The following COL5A2 variants were observed in gnomAD, a reference collection of about 807,000 sequenced individuals.
COL5A2 encodes the protein collagen type V alpha 2 chain.
COL5A2 carries 23 observed loss-of-function variants against 208.2 expected under a neutral mutation model. That is an observed-to-expected ratio of 0.11 (90% CI 0.08 to 0.16). COL5A2 has a LOEUF of 0.16. Among genes scored for constraint, COL5A2 ranks in the 10% least tolerant of loss-of-function variants. COL5A2 has a pLI of 1.00. For synonymous variants in COL5A2, 625 were observed against 628.5 expected, an observed-to-expected ratio of 0.99 and a Z score of 0.08; for missense variants, 1,590 against 1,956.4, an observed-to-expected ratio of 0.81 and a Z score of 3.53.
chr2:189,231,473 T>C, the COL5A2 span, among the ~76,000 whole-genome samples: 1 of 151,742 alleles, frequency 6.6e-6, no homozygotes, highest in African/African-American at 2.4e-5. Flanking sequence ...CCGGTGCCTT[T>C]GATCCTTTCT....
intron 35 of COL5A2, among the ~76,000 whole-genome samples, chr2:189,054,641 T>C (rs913299090): frequency 2.6e-5 from 4 of 151,844 alleles, no homozygotes; most frequent in Non-Finnish European, 5.9e-5. Context: ...ATATCACTTT[T>C]TTACTTTTAA....
chr2:189,228,285 A>C (rs2105885410), upstream of COL5A2, among the ~76,000 whole-genome samples: 1 of 152,018 alleles, frequency 6.6e-6, no homozygotes, highest in African/African-American at 2.4e-5. Context: ...AAGTTAGCAG[A>C]GGGAAAGAAA....
intron 1 of COL5A2, among the ~76,000 whole-genome samples, chr2:189,143,568 G>T (rs550582828): frequency 2.0e-5 from 3 of 151,960 alleles, no homozygotes; most frequent in Non-Finnish European, 4.4e-5. Context: ...GTATTAATTC[G>T]ACAACTAGGT....
At chr2:189,036,908 A>G in intron 51 of COL5A2, 105 bp from the exon 52 acceptor site, 1 of 941,970 alleles carries the variant, frequency 1.1e-6, no homozygotes, top group Admixed American at 2.1e-5. Context: ...CTCACTGATT[A>G]AGGATTCTTT....
intron 41 of COL5A2, 46 bp downstream of exon 41, chr2:189,052,126 T>C (rs751598234): frequency 1.4e-6 from 2 of 1,479,940 alleles, no homozygotes; most frequent in Non-Finnish European, 1.9e-6. Flanking sequence ...TACGTGTGTG[T>C]GTAATTATTT....
chr2:189,124,909 C>T (rs1031796835), intron 1 of COL5A2, among the ~76,000 whole-genome samples: 3 of 151,928 alleles, frequency 2.0e-5, no homozygotes, highest in African/African-American at 7.3e-5. Context: ...TGTAATTGCT[C>T]ACTTTGTTTT....
chr2:189,177,070 A>T (rs775382765), intron 1 of COL5A2, among the ~76,000 whole-genome samples: 2 of 152,224 alleles, frequency 1.3e-5, no homozygotes, highest in Non-Finnish European at 2.9e-5. Flanking sequence ...ACAGTCAAGT[A>T]AAGGGAAATA....
chr2:189,328,673 A>T, the COL5A2 span, among the ~76,000 whole-genome samples: 1 of 152,246 alleles, frequency 6.6e-6, no homozygotes, highest in Non-Finnish European at 1.5e-5. Flanking sequence ...CATGCATAAG[A>T]ACAGGATTTT....
chr2:189,239,534 C>T, the COL5A2 span, among the ~76,000 whole-genome samples: 24 of 148,486 alleles, frequency 1.6e-4, no homozygotes, highest in East Asian at 2.6e-3. Context: ...AAACCAAACA[C>T]CGCATATTCT....
At chr2:189,411,298 T>A in the COL5A2 span, among the ~76,000 whole-genome samples, 1 of 152,224 alleles carries the variant, frequency 6.6e-6, no homozygotes, top group African/African-American at 2.4e-5. Context: ...TGATTTGATG[T>A]CTATGTGCTT....
At chr2:189,366,728 C>T in the COL5A2 span, among the ~76,000 whole-genome samples, 1 of 152,204 alleles carries the variant, frequency 6.6e-6, no homozygotes, top group Non-Finnish European at 1.5e-5. Context: ...TTATGGCAAG[C>T]TGACTGAAGA....
In COL5A2 at chr2:189,068,370, A is replaced by G. The variant is rs1426918640; in HGVS notation, c.1258-100T>C. 4 of 1,073,298 alleles carry G rather than the reference A, an allele frequency of 3.7e-6. No individual in the cohort carries two copies. In the South Asian group the frequency reaches 5.1e-5, roughly 14 times the overall value. The allele number at this position is 1,073,298 out of a possible 1,614,324, so 66.5% of individuals were successfully genotyped here. On this transcript the variant is annotated intron_variant, in intron 19 of 53. Transcript: ENST00000374866. The stretch of plus-strand genomic sequence containing the variant: ...CCAGCCATCTTCAAAAAGGAAGTAG[A>G]AGCATTTTTTAAAAATCAACCACCA...
At chr2:189,103,074 A>G (rs568362113) in intron 3 of COL5A2, among the ~76,000 whole-genome samples, 94 of 152,134 alleles carry the variant, frequency 6.2e-4, no homozygotes, top group African/African-American at 2.2e-3. Flanking sequence ...ACTCATTGTT[A>G]GGATTTTTTG....
chr2:189,159,886 T>A (rs966203857), intron 1 of COL5A2, among the ~76,000 whole-genome samples: 12 of 151,396 alleles, frequency 7.9e-5, no homozygotes, highest in South Asian at 2.1e-4. Flanking sequence ...TCTCAAAAAA[T>A]AATAATAATA....
upstream of COL5A2, among the ~76,000 whole-genome samples, chr2:189,180,395 T>C (rs1033280802): frequency 4.6e-5 from 7 of 152,192 alleles, no homozygotes; most frequent in African/African-American, 7.2e-5. Context: ...TCCTAATTTC[T>C]CCACATCTCT....
intron 1 of COL5A2, among the ~76,000 whole-genome samples, chr2:189,140,493 C>T (rs1576551632): frequency 6.6e-6 from 1 of 152,162 alleles, no homozygotes; most frequent in East Asian, 1.9e-4. Flanking sequence ...AAAGAGACAC[C>T]ACTGTGCTTC....
At chr2:189,318,510 A>T in the COL5A2 span, among the ~76,000 whole-genome samples, 1 of 152,182 alleles carries the variant, frequency 6.6e-6, no homozygotes, top group East Asian at 1.9e-4. Flanking sequence ...AGCTTATAAG[A>T]TAGTAGTCCC....
chr2:189,092,510 G>C (rs1348631706), intron 6 of COL5A2, 90 bp from the exon 7 acceptor site: 3 of 801,364 alleles, frequency 3.7e-6, no homozygotes. Context: ...TGGCAAGGGA[G>C]TGTTTATTAT....
chr2:189,344,821 A>T, the COL5A2 span, among the ~76,000 whole-genome samples: 1 of 152,126 alleles, frequency 6.6e-6, no homozygotes, highest in African/African-American at 2.4e-5. Context: ...ACCAAGACTC[A>T]CCTCCAGCCA....
Sources: gnomAD v4.1 joint callset for allele counts (sites outside exome capture counted in the v4.1 genomes callset) on GRCh38, gnomAD v4.1.1 for gene constraint, MANE v1.5 for transcripts, NCBI Gene and HGNC (gene_info 2026-07-23, HGNC 2026-07-21) for gene names.